The following VSTM1 variants were observed in gnomAD, a reference collection of about 807,000 sequenced individuals.
VSTM1 encodes V-set and transmembrane domain containing 1, also known as V-set and transmembrane domain-containing protein 1.
In VSTM1, 27 loss-of-function variants were observed where a neutral mutation model predicts 33.1. The observed-to-expected ratio is 0.82, with a 90% CI of 0.60 to 1.12. The LOEUF is 1.12. Ranked by LOEUF, VSTM1 falls within the 50% of genes most tolerant of loss-of-function variation. The pLI is 0.00. For missense variants in VSTM1, 304 were observed against 288.9 expected (o/e 1.05, Z -0.38); for synonymous variants, 115 against 110.3 (o/e 1.04, Z -0.27).
rs202027718 is a variant in VSTM1, at chr19:54,063,743, C to T, written c.34+1G>A. On this transcript the variant is annotated splice_donor_variant, in intron 1 of 8. Transcript: ENST00000338372. LOFTEE classifies it high-confidence loss of function. ...CATTCGTCCCAGTCCTGGAGACTCA[C>T]CGAGGCAAAGCAGGGAGAGGAATTC... 6.0e-5 allele frequency: 97 copies of T among 1,613,856 alleles called. No individual in the cohort carries two copies. The East Asian group carries it at 1.9e-3, about 32-fold the overall frequency.
Position 54,058,535 on chromosome 19 carries a change from C to G in VSTM1, c.126G>C (p.Glu42Asp), listed in dbSNP as rs760528949. Residue 42 changes from glutamate to aspartate, a missense_variant, in exon 3 of 9, where the codon GAG (glutamate) becomes GAC (aspartate). Coordinates refer to ENST00000338372, the MANE Select transcript of VSTM1 (RefSeq NM_198481.4). Reference protein sequence around the residue: ...HAWPSSVVEAESNVTLKCQAH... With the variant: ...HAWPSSVVEADSNVTLKCQAH... ...CCTGACACTTCAGGGTCACATTGCT[C>G]TCGGCTTCAACCACCGAGCTGGGCC... is the stretch of plus-strand genomic sequence containing the variant. 1.2e-6 allele frequency: 2 copies of G among 1,613,798 alleles called. No homozygotes were observed. Among genetic ancestry groups the G allele is most frequent in the African/African-American group, 1.3e-5 (1 of 74,828 alleles).
chr19:54,056,204 C>CTTTTTTTT (rs1568473148), intron 3 of VSTM1, among the ~76,000 whole-genome samples: 1 of 86,480 alleles, frequency 1.2e-5, no homozygotes, highest in African/African-American at 5.1e-5. Flanking sequence ...TCTTTCTTTT[C>CTTTTTTTT]TTTTCTTTTC....
chr19:54,045,968 A>G (rs1353544212), intron 4 of VSTM1, among the ~76,000 whole-genome samples: 1 of 152,072 alleles, frequency 6.6e-6, no homozygotes, highest in Admixed American at 6.6e-5. Context: ...ATCTGTATCT[A>G]TCTACCTACT....
chr19:54,047,442 G>A (rs575981074), intron 4 of VSTM1, among the ~76,000 whole-genome samples: 15 of 151,994 alleles, frequency 9.9e-5, no homozygotes, highest in African/African-American at 3.1e-4. Context: ...ACAAGCACCC[G>A]CCACCTCACC....
chr19:54,052,194 C>G (rs1030938224), intron 3 of VSTM1, among the ~76,000 whole-genome samples: 8 of 151,052 alleles, frequency 5.3e-5, no homozygotes, highest in East Asian at 4.0e-4. Flanking sequence ...GTCAGGAGAT[C>G]GAGACCATCC....
At chr19:54,055,934 T>C (rs2071063966) in intron 3 of VSTM1, 1 of 142,088 alleles carries the variant, frequency 7.0e-6, no homozygotes, top group Non-Finnish European at 1.6e-5. Flanking sequence ...CTTTAACATC[T>C]TGGGGCCTTG....
In VSTM1 at chr19:54,055,157, C is replaced by T. The variant is rs540958119; in HGVS notation, c.355+3149G>A. Among the ~76,000 whole-genome samples the T allele has an allele frequency of 1.4e-4, 19 of 140,488 alleles. 3 individuals carry two copies. Among genetic ancestry groups the T allele is most frequent in the African/African-American group, 4.7e-4 (18 of 38,014 alleles). 92.2% of individuals were successfully genotyped at this position (140,488 alleles called of 152,430 possible). ...TCATTTTTTTTTCAGTTACCTGCAC[C>T]GTGCCTCCCATACTTTTCCACACAA... On this transcript the variant is annotated intron_variant, in intron 3 of 8. Transcript: ENST00000338372.
chr19:54,051,923 G>A (rs1363772852), intron 3 of VSTM1, among the ~76,000 whole-genome samples: 1 of 151,878 alleles, frequency 6.6e-6, no homozygotes, highest in Non-Finnish European at 1.5e-5. Flanking sequence ...ACCACACCCT[G>A]CTAATTTTTG....
chr19:54,051,043 C>T (rs1399980434), intron 4 of VSTM1, among the ~76,000 whole-genome samples: 4 of 151,504 alleles, frequency 2.6e-5, no homozygotes, highest in Middle Eastern at 3.2e-3. Flanking sequence ...CCTGTAATCC[C>T]AGCACTTTGG....
chr19:54,061,229 T>G (rs1301656780), intron 1 of VSTM1, among the ~76,000 whole-genome samples: 6 of 151,690 alleles, frequency 4.0e-5, no homozygotes, highest in African/African-American at 1.5e-4. Context: ...TGTTGGCCAG[T>G]CTGGTCTCAA....
chr19:54,044,767 A>G (rs537356261), intron 4 of VSTM1, among the ~76,000 whole-genome samples: 100 of 152,256 alleles, frequency 6.6e-4, no homozygotes, highest in African/African-American at 2.4e-3. Context: ...GGATTACAGC[A>G]AGGGTTGTGT....
At chr19:54,053,597 G>A (rs981926359) in intron 3 of VSTM1, among the ~76,000 whole-genome samples, 2 of 141,492 alleles carry the variant, frequency 1.4e-5, no homozygotes, top group African/African-American at 2.6e-5. Flanking sequence ...TGGAGAAATG[G>A]ACCCTTCCCC....
At chr19:54,051,523 A>T in intron 3 of VSTM1, 75 bp from the exon 4 acceptor site, 1 of 1,140,464 alleles carries the variant, frequency 8.8e-7, no homozygotes, top group Non-Finnish European at 1.3e-6. Flanking sequence ...CTCACGTCCT[A>T]CTTATAGACA....
intron 4 of VSTM1, among the ~76,000 whole-genome samples, chr19:54,047,462 T>G (rs2070652703): frequency 6.6e-6 from 1 of 151,970 alleles, no homozygotes; most frequent in African/African-American, 2.4e-5. Flanking sequence ...CCCGCTAATT[T>G]TTTATATTTC....
At chr19:54,059,921 C>T (rs1048490505) in intron 1 of VSTM1, among the ~76,000 whole-genome samples, 1 of 151,444 alleles carries the variant, frequency 6.6e-6, no homozygotes. Context: ...GATCTCGGCT[C>T]ACCGCAAGCT....
chr19:54,041,984 G>A (rs769235543), intron 6 of VSTM1, 31 bp from the exon 7 acceptor site: 1 of 1,614,046 alleles, frequency 6.2e-7, no homozygotes, highest in South Asian at 1.1e-5. Context: ...TGAAAGGATG[G>A]GATGTGAAGA....
Position 54,063,849 on chromosome 19 carries a change from G to C in VSTM1, c.-72C>G, listed in dbSNP as rs2071519270. 3 of 1,556,056 alleles carry C rather than the reference G, an allele frequency of 1.9e-6. No individual in the cohort carries two copies. The East Asian group carries it at 7.1e-5, about 37-fold the overall frequency. On this transcript the variant is annotated 5_prime_UTR_variant, in exon 1 of 9. Coordinates refer to ENST00000338372, the MANE Select transcript of VSTM1 (RefSeq NM_198481.4). ...TCAAAGGCGGAGCGGGACTGGGCCG[G>C]CCGCAGCTCTCCGGCTGCCCGGTTC...
chr19:54,050,362 G>A (rs2070779947), intron 4 of VSTM1, among the ~76,000 whole-genome samples: 1 of 151,822 alleles, frequency 6.6e-6, no homozygotes, highest in Non-Finnish European at 1.5e-5. Context: ...TAATGAATAA[G>A]CAACATTAGA....
At chr19:54,045,146 G>T (rs1204969854) in intron 4 of VSTM1, among the ~76,000 whole-genome samples, 1 of 152,046 alleles carries the variant, frequency 6.6e-6, no homozygotes, top group Non-Finnish European at 1.5e-5. Context: ...TCCCCTACTT[G>T]GTTCGCTATG....
Sources: gnomAD v4.1 joint callset for allele counts (sites outside exome capture counted in the v4.1 genomes callset) on GRCh38, gnomAD v4.1.1 for gene constraint, MANE v1.5 for transcripts, NCBI Gene and HGNC (gene_info 2026-07-23, HGNC 2026-07-21) for gene names.